Variants in NCOR2 observed in about 807,000 individuals in gnomAD.
The protein encoded by NCOR2 is nuclear receptor corepressor 2.
Under a neutral mutation model 262.9 loss-of-function variants are expected in NCOR2, and 81 were observed. That is an observed-to-expected ratio of 0.31 (90% confidence interval 0.26 to 0.37). The LOEUF is 0.37. Ranked by LOEUF, NCOR2 falls within the 10% of genes least tolerant of loss-of-function variation. The pLI is 1.00. For synonymous variants in NCOR2, 1,659 were observed against 1,559.3 expected, an observed-to-expected ratio of 1.06 and a Z score of -1.51; for missense variants, 3,385 against 3,621.4, an observed-to-expected ratio of 0.93 and a Z score of 1.68.
At position 124,495,074 on chromosome 12, in the gene NCOR2, G is replaced by A; in HGVS notation, c.105+73C>T. On this transcript the variant is annotated intron_variant, in intron 1 of 46. Transcript: ENST00000405201. This position sits in a 1 kb window ranked among gnomAD's most constrained non-coding sequence, Gnocchi z 4.4. ...GAGCCTGGCTCCCAGGAGAAAGGAA[G>A]GGGTGAAGACTCAGTGGAATGGAAG... The A allele has an allele frequency of 6.5e-7, 1 of 1,546,638 alleles. No individual in the cohort carries two copies. Among genetic ancestry groups the A allele is most frequent in the Non-Finnish European group, 8.8e-7 (1 of 1,140,634 alleles).
intron 7 of NCOR2, among the ~76,000 whole-genome samples, chr12:124,445,347 C>T (rs935692005): frequency 6.6e-6 from 1 of 152,188 alleles, no homozygotes; most frequent in Non-Finnish European, 1.5e-5. Context: ...GGCCCCGCCC[C>T]GGTGGTCTGA....
intron 19 of NCOR2, among the ~76,000 whole-genome samples, chr12:124,373,267 T>G (rs1230261591): frequency 8.5e-6 from 1 of 117,840 alleles, no homozygotes; most frequent in South Asian, 2.5e-4. Context: ...CCGGGCACAG[T>G]GGACAATCAT....
chr12:124,354,740 G>T, intron 25 of NCOR2, 97 bp downstream of exon 27: 1 of 1,341,666 alleles, frequency 7.5e-7, no homozygotes. Context: ...GCTACCTGGA[G>T]TACCGTGGGC....
intron 8 of NCOR2, among the ~76,000 whole-genome samples, chr12:124,433,863 C>CACACACACACACAAACACACACACACAA (rs1565940231): frequency 1.7e-5 from 1 of 60,270 alleles, no homozygotes; most frequent in Non-Finnish European, 3.1e-5. Flanking sequence ...CACACACACA[C>CACACACACACACAAACACACACACACAA]ACACACACAC....
chr12:124,527,844 A>G (rs1292609422), intron 1 of NCOR2, among the ~76,000 whole-genome samples: 2 of 152,212 alleles, frequency 1.3e-5, no homozygotes, highest in South Asian at 2.1e-4. Context: ...TACAAACCCA[A>G]CTGCAGCATA....
At chr12:124,507,170 A>G (rs1235476332) in intron 1 of NCOR2, among the ~76,000 whole-genome samples, 1 of 152,194 alleles carries the variant, frequency 6.6e-6, no homozygotes, top group African/African-American at 2.4e-5. Flanking sequence ...GACAAAAAGG[A>G]AAATGGCTGG....
At chr12:124,435,217 T>C (rs2044263446) in intron 8 of NCOR2, among the ~76,000 whole-genome samples, 2 of 152,088 alleles carry the variant, frequency 1.3e-5, no homozygotes, top group South Asian at 4.2e-4. Context: ...ATCTCGAGAG[T>C]CTAGCCCTCT....
At chr12:124,335,865 A>G in intron 38 of NCOR2, 1 of 545,406 alleles carries the variant, frequency 1.8e-6, no homozygotes, top group Admixed American at 3.1e-5. Context: ...ACAGACAGAG[A>G]GGGAGACACA....
Position 124,335,845 on chromosome 12 carries a change from C to T in NCOR2, c.6116-213G>A, listed in dbSNP as rs576770584. On this transcript the variant is annotated intron_variant, in intron 38 of 46. Coordinates refer to ENST00000405201, the Ensembl canonical transcript of NCOR2. ...GAGAGGTGGAGAGAGATGCAGAGCC[C>T]GGGACAGAGACAGACAGAGAGGGAG... 473 of 569,106 alleles carry T rather than the reference C, an allele frequency of 8.3e-4. 2 individuals carry two copies. Among genetic ancestry groups the T allele is most frequent in the Non-Finnish European group, 1.3e-3 (432 of 321,216 alleles). The allele number at this position is 569,106 out of a possible 1,614,324, so 35.3% of individuals were successfully genotyped here. A position where few individuals can be genotyped will look rare whatever the true frequency, so the allele number is the denominator to read the frequency against.
In NCOR2 at chr12:124,356,784, T is replaced by C. The variant is rs1411303265; in HGVS notation, c.3101-2A>G. On this transcript the variant is annotated splice_acceptor_variant, in intron 22 of 46. Coordinates refer to ENST00000405201, the Ensembl canonical transcript of NCOR2. LOFTEE classifies it high-confidence loss of function. Reference sequence around the variant, plus strand: ...GCTTCTGGGCCTCGGCTGCGAAGGCTGGGAAGAACACAGGCTTCTCTGCTG... The same window carrying C: ...GCTTCTGGGCCTCGGCTGCGAAGGCCGGGAAGAACACAGGCTTCTCTGCTG... 1 of 1,470,532 alleles carries C rather than the reference T, an allele frequency of 6.8e-7. No individual in the cohort carries two copies. The highest frequency in any genetic ancestry group is 2.8e-5 in the East Asian group (1 of 35,182). The allele number at this position is 1,470,532 out of a possible 1,614,324, so 91.1% of individuals were successfully genotyped here.
At chr12:124,400,071 C>T (rs2041914949) in intron 15 of NCOR2, among the ~76,000 whole-genome samples, 1 of 152,130 alleles carries the variant, frequency 6.6e-6, no homozygotes, top group East Asian at 1.9e-4. Context: ...GAACCTGGGC[C>T]AAGCGTGGCC....
At chr12:124,348,582 G>GTGC in intron 28 of NCOR2, 1 of 501,644 alleles carries the variant, frequency 2.0e-6, no homozygotes. Context: ...GCCCTCCAGG[G>GTGC]TGCTCTGTCT....
At chr12:124,366,134 C>T (rs1248170067) in intron 20 of NCOR2, among the ~76,000 whole-genome samples, 3 of 152,128 alleles carry the variant, frequency 2.0e-5, no homozygotes, top group African/African-American at 4.8e-5. Flanking sequence ...GAAACCTGCA[C>T]GTGCCCACCA....
At chr12:124,414,073 C>A (rs540663476) in intron 13 of NCOR2, among the ~76,000 whole-genome samples, 8 of 152,282 alleles carry the variant, frequency 5.3e-5, no homozygotes, top group African/African-American at 1.7e-4. Context: ...CCTGCCCTCG[C>A]AGGGCTCCTG....
At position 124,517,182 on chromosome 12, in the gene NCOR2, CA is replaced by C. The variant is rs544048271; in HGVS notation, c.-118+18382del. Among the ~76,000 whole-genome samples, 74 of 152,138 alleles carry C rather than the reference CA, an allele frequency of 4.9e-4. No individual in the cohort carries two copies. Among genetic ancestry groups the C allele is most frequent in the Admixed American group, 1.3e-3 (20 of 15,284 alleles). ...AGGCAACACGCCCAAGGTCACACAGCATAGAGAGGACGGAGCCAGGACTCAA... is the reference window on the plus strand; with the variant it reads ...AGGCAACACGCCCAAGGTCACACAGCTAGAGAGGACGGAGCCAGGACTCAA... On this transcript the variant is annotated intron_variant, in intron 1 of 46. Transcript: ENST00000404621. The surrounding 1 kb of genome is among the most constrained non-coding windows in gnomAD (Gnocchi z 7.6).
At chr12:124,370,105 C>T (rs2039373582) in intron 20 of NCOR2, among the ~76,000 whole-genome samples, 1 of 152,070 alleles carries the variant, frequency 6.6e-6, no homozygotes, top group South Asian at 2.1e-4. Flanking sequence ...CTGCCCTGAC[C>T]CCGCTATCCA....
chr12:124,362,195 C>A (rs764447197), exon 22 of NCOR2: 5 of 1,310,526 alleles, frequency 3.8e-6, no homozygotes, highest in South Asian at 3.0e-5. Flanking sequence ...TGCTGAGGGG[C>A]GTCGCTCTCC....
rs138443872 is a variant in NCOR2 at position 124,373,862 on chromosome 12, G to A, written c.2218+551C>T. On this transcript the variant is annotated intron_variant, in intron 19 of 46. Coordinates refer to ENST00000405201, the Ensembl canonical transcript of NCOR2. ...GGACAATCATGAGGCCAGTGCGTGC[G>A]CAGGGGCCCCGGGCACGGTGGACAA... Among the ~76,000 whole-genome samples, 26 of 146,342 alleles carry A rather than the reference G, an allele frequency of 1.8e-4. 1 individual carries two copies. Among genetic ancestry groups the A allele is most frequent in the African/African-American group, 6.2e-4 (23 of 37,282 alleles).
At chr12:124,512,511 AC>A (rs1257292772) in intron 1 of NCOR2, among the ~76,000 whole-genome samples, 1 of 151,926 alleles carries the variant, frequency 6.6e-6, no homozygotes, top group Non-Finnish European at 1.5e-5. Context: ...ATCTGCAAAG[AC>A]CCTTTTATCA....
Sources: gnomAD v4.1 joint callset for allele counts (sites outside exome capture counted in the v4.1 genomes callset) on GRCh38, gnomAD v4.1.1 for gene constraint, Gnocchi (gnomAD v3.1) non-coding constraint, MANE v1.5 for transcripts, NCBI Gene and HGNC (gene_info 2026-07-23, HGNC 2026-07-21) for gene names.